EVC: variants seen among roughly 807,000 people sequenced by gnomAD.
The protein encoded by EVC is EvC ciliary complex subunit 1, also known as evC complex member EVC.
In EVC, 116 loss-of-function variants were observed where a neutral mutation model predicts 118.9. The ratio of observed to expected loss-of-function variants is 0.98; its 90% CI spans 0.84 to 1.14. EVC has a LOEUF of 1.14. Among genes scored for constraint, EVC ranks in the 50% most tolerant of loss-of-function variants. EVC has a pLI of 0.00. For synonymous variants in EVC, 619 were observed against 534.7 expected, an observed-to-expected ratio of 1.16 and a Z score of -2.18; for missense variants, 1,401 against 1,246.4, an observed-to-expected ratio of 1.12 and a Z score of -1.87.
chr4:5,802,192 T>C, intron 16 of EVC, 98 bp downstream of exon 16: 1 of 1,480,386 alleles, frequency 6.8e-7, no homozygotes, highest in South Asian at 1.2e-5. Context: ...AATTTTATTT[T>C]TGGGAATATA....
At chr4:5,821,732 T>G in the EVC span, 1 of 1,574,286 alleles carries the variant, frequency 6.4e-7, no homozygotes, top group Non-Finnish European at 8.7e-7. This position sits in a 1 kb window ranked among gnomAD's most constrained non-coding sequence, Gnocchi z 4.4. Context: ...CCAGAATCCT[T>G]CAGGCTAGCT....
chr4:5,818,329 G>C (rs1334316522), downstream of EVC, among the ~76,000 whole-genome samples: 2 of 152,122 alleles, frequency 1.3e-5, no homozygotes, highest in Non-Finnish European at 1.5e-5. Context: ...AGTGAGAACA[G>C]ACTAATACAC....
intron 17 of EVC, among the ~76,000 whole-genome samples, chr4:5,807,081 C>T (rs1272591006): frequency 6.6e-6 from 1 of 152,200 alleles, no homozygotes; most frequent in Non-Finnish European, 1.5e-5. Flanking sequence ...GTGCTGGCCT[C>T]AGCTGTGCCA....
In EVC at chr4:5,738,661, G is replaced by A. The variant is rs1034955897; in HGVS notation, c.703-3055G>A. 1.3e-5 allele frequency among the ~76,000 whole-genome samples: 2 copies of A among 151,042 alleles called. No individual in the cohort carries two copies. The highest frequency in any genetic ancestry group is 2.9e-5 in the Non-Finnish European group (2 of 67,922). Reference sequence around the variant, plus strand: ...AACTCACTGCAAACTTTGCCTCCCAGATTCAAGTGATTCTCCCGCCTCAGC... The same window carrying A: ...AACTCACTGCAAACTTTGCCTCCCAAATTCAAGTGATTCTCCCGCCTCAGC... On this transcript the variant is annotated intron_variant, in intron 5 of 20. Coordinates refer to ENST00000264956, the MANE Select transcript of EVC (RefSeq NM_153717.3). The surrounding 1 kb of genome is among the most constrained non-coding windows in gnomAD (Gnocchi z 6.5).
chr4:5,741,929 A>G, intron 6 of EVC, 115 bp downstream of exon 6: 1 of 573,644 alleles, frequency 1.7e-6, no homozygotes, highest in South Asian at 2.2e-5. Flanking sequence ...TACAATATAT[A>G]CTTTTCAACA....
At chr4:5,730,318 T>C (rs1726583348) in intron 3 of EVC, among the ~76,000 whole-genome samples, 1 of 151,848 alleles carries the variant, frequency 6.6e-6, no homozygotes, top group Admixed American at 6.6e-5. Flanking sequence ...CTATTGGAGG[T>C]TCTGAGAATT....
the EVC span, chr4:5,826,990 A>G: frequency 6.6e-6 from 1 of 152,540 alleles, no homozygotes; most frequent in South Asian, 2.1e-4. Flanking sequence ...TGGCTGTGGC[A>G]TTGCTTCCTG....
chr4:5,818,550 A>G (rs577933932), downstream of EVC, among the ~76,000 whole-genome samples: 3 of 152,314 alleles, frequency 2.0e-5, no homozygotes, highest in South Asian at 2.1e-4. Flanking sequence ...CCCTTCATGA[A>G]TGGATTAATT....
At chr4:5,752,766 G>C (rs1345473823) in intron 8 of EVC, 70 bp from the exon 9 acceptor site, 5 of 1,520,500 alleles carry the variant, frequency 3.3e-6, no homozygotes, top group Admixed American at 3.3e-5. Context: ...CTTCTTCTCA[G>C]CTGTTAATTA....
In EVC at chr4:5,813,850, C is replaced by G. The variant is rs1379426100; in HGVS notation, c.*2813C>G. On this transcript the variant is annotated 3_prime_UTR_variant, in exon 21 of 21. Coordinates refer to ENST00000264956, the MANE Select transcript of EVC (RefSeq NM_153717.3). ...CTTGCCGCCCAGCTGTTGTGCTGGG[C>G]ACAGTCTGGGGCACAGGCCTCCATG... 6.6e-6 allele frequency: 1 copy of G among 152,256 alleles called. No homozygotes were observed. Among genetic ancestry groups the G allele is most frequent in the Non-Finnish European group, 1.5e-5 (1 of 68,044 alleles). The allele number at this position is 152,256 out of a possible 1,614,324, so 9.4% of individuals were successfully genotyped here.
In EVC at chr4:5,783,729, A is replaced by G. The variant is rs1735998248; in HGVS notation, c.1741A>G (p.Lys581Glu). The change falls in exon 12 of 21, where the codon AAA becomes GAA. Residue 581 changes from lysine (K) to glutamate (E), a missense_variant. Coordinates refer to ENST00000264956, the MANE Select transcript of EVC (RefSeq NM_153717.3). ...AAATCGCTTCCGGAGGCAGCAGTGG[A>G]AACTCTTCCAGGAGCTCCTAGAGCA... Reference protein sequence around the residue: ...KSNRFRRQQWKLFQELLEQDQ... With the variant: ...KSNRFRRQQWELFQELLEQDQ... The G allele has an allele frequency of 6.2e-7, 1 of 1,613,608 alleles. No homozygotes were observed. Among genetic ancestry groups the G allele is most frequent in the Non-Finnish European group, 8.5e-7 (1 of 1,179,802 alleles).
At chr4:5,797,379 A>T (rs1230995738) in intron 14 of EVC, 147 bp downstream of exon 14, 1 of 711,332 alleles carries the variant, frequency 1.4e-6, no homozygotes, top group African/African-American at 1.7e-5. Context: ...TGCCATAGCA[A>T]GGTCCCACAG....
the EVC span, chr4:5,827,945 G>C: frequency 7.0e-6 from 5 of 710,724 alleles, no homozygotes; most frequent in Non-Finnish European, 8.6e-6. Context: ...ATGTCCTGAG[G>C]TCAGTGCTAA....
At position 5,741,696 on chromosome 4, in the gene EVC, C is replaced by T. The variant is rs749681885; in HGVS notation, c.703-20C>T. ...ATTGATTAAACTTTTCTTTTGTTAT[C>T]TTTCCTTTCTTGGCAATAGATGTTT... On this transcript the variant is annotated intron_variant, in intron 5 of 20. Transcript: ENST00000264956. 6.9e-7 allele frequency: 1 copy of T among 1,444,118 alleles called. No homozygotes were observed. The highest frequency in any genetic ancestry group is 9.7e-7 in the Non-Finnish European group (1 of 1,027,790). The allele number at this position is 1,444,118 out of a possible 1,614,324, so 89.5% of individuals were successfully genotyped here. A position where few individuals can be genotyped will look rare whatever the true frequency, so the allele number is the denominator to read the frequency against.
At chr4:5,761,568 G>T (rs1376770921) in intron 11 of EVC, among the ~76,000 whole-genome samples, 1 of 151,918 alleles carries the variant, frequency 6.6e-6, no homozygotes, top group African/African-American at 2.4e-5. Context: ...ACTTTCGTTA[G>T]TGCCTAGTAA....
At chr4:5,818,092 G>A (rs549166564), downstream of EVC, among the ~76,000 whole-genome samples, 1 of 152,222 alleles carries the variant, frequency 6.6e-6, no homozygotes, top group African/African-American at 2.4e-5. Flanking sequence ...GAATCATGGG[G>A]GCAGTTTCCC....
rs112958588 is a variant in EVC, at chr4:5,778,631, A to G, written c.1564-4921A>G. ...TTCATGTGTTTTTTTGGCTGCATCA[A>G]TGTCTTCTTTTGAGAAGTGTCTGTT... is the stretch of plus-strand genomic sequence containing the variant. On this transcript the variant is annotated intron_variant, in intron 11 of 20. Coordinates refer to ENST00000264956, the MANE Select transcript of EVC (RefSeq NM_153717.3). 4.1e-3 allele frequency among the ~76,000 whole-genome samples: 628 copies of G among 152,274 alleles called. 4 individuals carry two copies. The highest frequency in any genetic ancestry group is 9.8e-3 in the African/African-American group (406 of 41,524).
chr4:5,805,891 C>CTTTTTTTTT lies in EVC; in HGVS notation c.2561+1060_2561+1068dup, dbSNP rs4045512. On this transcript the variant is annotated intron_variant, in intron 17 of 20. Coordinates refer to ENST00000264956, the MANE Select transcript of EVC (RefSeq NM_153717.3). ...CTTGAATTCAGAGGCAGTTTCTTTTCTTTTTTTTTTTTTTTTTTGAAGGAG... is the reference window on the plus strand; with the variant it reads ...CTTGAATTCAGAGGCAGTTTCTTTTCTTTTTTTTTTTTTTTTTTTTTTTTTTTGAAGGAG... Among the ~76,000 whole-genome samples, 50 of 123,934 alleles carry CTTTTTTTTT rather than the reference C, an allele frequency of 4.0e-4. 2 individuals carry two copies. The highest frequency in any genetic ancestry group is 1.1e-3 in the Admixed American group (13 of 11,654). 81.3% of individuals were successfully genotyped at this position (123,934 alleles called of 152,430 possible).
At chr4:5,729,643 C>G (rs1457547658) in intron 3 of EVC, among the ~76,000 whole-genome samples, 4 of 152,094 alleles carry the variant, frequency 2.6e-5, no homozygotes, top group Non-Finnish European at 5.9e-5. Flanking sequence ...CCCTCTCTGC[C>G]TTTTTAACAC....
Sources: allele counts gnomAD v4.1 joint callset (sites outside exome capture counted in the v4.1 genomes callset), GRCh38; gene constraint gnomAD v4.1.1; non-coding constraint Gnocchi (gnomAD v3.1); transcripts MANE v1.5; gene names NCBI Gene and HGNC (gene_info 2026-07-23, HGNC 2026-07-21).